MED13L: variants seen among roughly 807,000 people sequenced by gnomAD.
MED13L encodes the protein mediator of RNA polymerase II transcription subunit 13-like.
A neutral mutation model predicts 220.9 loss-of-function variants in MED13L; 7 were observed. The observed-to-expected ratio is 0.03, with a 90% CI of 0.02 to 0.06. MED13L has a LOEUF of 0.06. MED13L is among the 10% of genes least tolerant of loss of function. The pLI is 1.00. For synonymous variants in MED13L, 1,011 were observed against 1,015.2 expected (o/e 1.00, Z 0.08); for missense variants, 1,965 against 2,760.5 (o/e 0.71, Z 6.46).
rs781009273 is a variant in MED13L, at chr12:116,111,515, GAAAAAAAAAAGAAAAAA to G, written c.311-20_311-4del. The stretch of plus-strand genomic sequence containing the variant: ...TTCCCAGAGTCCTTCTTCCACAACT[GAAAAAAAAAAGAAAAAA>G]GAAAAAAAAAGAACCAGTAAAAAGG... On this transcript the variant is annotated splice_region_variant and splice_polypyrimidine_tract_variant and intron_variant, in intron 2 of 30. Transcript: ENST00000281928. 7.4e-7 allele frequency: 1 copy of G among 1,359,718 alleles called. No homozygotes were observed. 84.2% of individuals were successfully genotyped at this position (1,359,718 alleles called of 1,614,324 possible). A position where few individuals can be genotyped will look rare whatever the true frequency, so the allele number is the denominator to read the frequency against.
At chr12:116,118,243 G>C (rs1874702359) in intron 2 of MED13L, among the ~76,000 whole-genome samples, 1 of 151,942 alleles carries the variant, frequency 6.6e-6, no homozygotes, top group South Asian at 2.1e-4. Context: ...ATATAAAATA[G>C]GAAAGTAGTA....
intron 2 of MED13L, among the ~76,000 whole-genome samples, chr12:116,179,724 AG>A (rs1880378121): frequency 6.6e-6 from 1 of 151,900 alleles, no homozygotes; most frequent in East Asian, 1.9e-4. Context: ...AGAAAAGAAT[AG>A]AAGAAAGAAA....
chr12:116,100,322 G>A (rs1872960158), intron 3 of MED13L, among the ~76,000 whole-genome samples: 1 of 151,956 alleles, frequency 6.6e-6, no homozygotes, highest in Non-Finnish European at 1.5e-5. Context: ...AAATTGGCTG[G>A]GCACAGTGGC....
At chr12:116,026,033 G>A (rs1880369521) in intron 4 of MED13L, among the ~76,000 whole-genome samples, 1 of 152,000 alleles carries the variant, frequency 6.6e-6, no homozygotes, top group Admixed American at 6.6e-5. Context: ...AAAGAAAATA[G>A]GGTTTAATAG....
chr12:116,226,737 C>A (rs1017677853), intron 2 of MED13L, among the ~76,000 whole-genome samples: 1 of 152,000 alleles, frequency 6.6e-6, no homozygotes, highest in Non-Finnish European at 1.5e-5. Flanking sequence ...GGTGTGGTGG[C>A]ACACACCTTT....
intron 4 of MED13L, among the ~76,000 whole-genome samples, chr12:116,086,461 T>C (rs1871701615): frequency 6.6e-6 from 1 of 152,044 alleles, no homozygotes; most frequent in African/African-American, 2.4e-5. Context: ...TTTGTATTTT[T>C]AGTAGAGACG....
intron 2 of MED13L, among the ~76,000 whole-genome samples, chr12:116,231,844 T>A (rs1869589998): frequency 6.6e-6 from 1 of 152,044 alleles, no homozygotes; most frequent in African/African-American, 2.4e-5. Context: ...GTAAATATAT[T>A]TAAAAATAAA....
chr12:115,993,055 A>T (rs1878169467), intron 16 of MED13L, among the ~76,000 whole-genome samples: 2 of 152,242 alleles, frequency 1.3e-5, no homozygotes, highest in South Asian at 4.1e-4. Context: ...TACAACATTT[A>T]TATAGCATTT....
intron 4 of MED13L, among the ~76,000 whole-genome samples, chr12:116,076,528 CT>C (rs1333975913): frequency 2.0e-5 from 3 of 152,082 alleles, no homozygotes; most frequent in Non-Finnish European, 4.4e-5. Flanking sequence ...CAGAGCAAGG[CT>C]TTGTCTTACA....
At chr12:116,242,610 A>G (rs1870756407) in intron 1 of MED13L, among the ~76,000 whole-genome samples, 1 of 152,194 alleles carries the variant, frequency 6.6e-6, no homozygotes, top group South Asian at 2.1e-4. Flanking sequence ...AACCACCAAC[A>G]TCATTATTTA....
intron 4 of MED13L, among the ~76,000 whole-genome samples, chr12:116,061,551 A>T (rs373248408): frequency 2.0e-5 from 3 of 152,324 alleles, no homozygotes; most frequent in African/African-American, 4.8e-5. Context: ...AATAAGTGAT[A>T]ACCTTCAGGA....
chr12:116,231,346 C>T (rs371750991), intron 2 of MED13L, among the ~76,000 whole-genome samples: 37 of 152,158 alleles, frequency 2.4e-4, no homozygotes, highest in East Asian at 1.5e-3. Flanking sequence ...GATGTGATGC[C>T]GTGGAAAGGA....
intron 4 of MED13L, 58 bp downstream of exon 4, chr12:116,096,611 G>T: frequency 8.0e-7 from 1 of 1,250,702 alleles, no homozygotes; most frequent in African/African-American, 1.5e-5. Context: ...TCAATAAGCT[G>T]TTCACCCACC....
Position 116,237,593 on chromosome 12 carries a change from C to G in MED13L, c.185G>C (p.Arg62Pro). The change falls in exon 2 of 31, where the codon CGC becomes CCC. Residue 62 changes from arginine to proline, a missense_variant. Arg to Pro is a moderately radical substitution (Grantham distance 103). Coordinates refer to ENST00000281928, the MANE Select transcript of MED13L (RefSeq NM_015335.5). The part of the protein sequence containing the change: ...QDDPILLSFI[R>P]CLQANLLCVW... ...ACAAAGCAGGTTAGCTTGCAGACAG[C>G]GGATGAAACTTAACAGAATTGGATC... 1 of 1,614,108 alleles carries G rather than the reference C, an allele frequency of 6.2e-7. No individual in the cohort carries two copies. Among genetic ancestry groups the G allele is most frequent in the Non-Finnish European group, 8.5e-7 (1 of 1,180,026 alleles).
intron 2 of MED13L, among the ~76,000 whole-genome samples, chr12:116,210,926 C>G (rs184377632): frequency 2.6e-5 from 4 of 152,200 alleles, no homozygotes; most frequent in Non-Finnish European, 5.9e-5. Flanking sequence ...GGTTTACCAC[C>G]TGAAGCTATC....
chr12:116,252,578 A>T (rs1871649905), intron 1 of MED13L, among the ~76,000 whole-genome samples: 1 of 152,114 alleles, frequency 6.6e-6, no homozygotes, highest in Admixed American at 6.5e-5. Flanking sequence ...TGATCTAAGC[A>T]TCTACCCTCA....
At chr12:116,073,627 A>G (rs866114655) in intron 4 of MED13L, among the ~76,000 whole-genome samples, 3 of 152,250 alleles carry the variant, frequency 2.0e-5, no homozygotes, top group African/African-American at 7.2e-5. Flanking sequence ...CAGATAAAAG[A>G]TAAACTTGGT....
In MED13L at chr12:116,100,591, T is replaced by C. The variant is rs1054098418; in HGVS notation, c.396-3839A>G. Among the ~76,000 whole-genome samples, 17 of 99,034 alleles carry C rather than the reference T, an allele frequency of 1.7e-4. No individual in the cohort carries two copies. In the South Asian group the frequency reaches 4.7e-3, roughly 27 times the overall value. 65.0% of individuals were successfully genotyped at this position (99,034 alleles called of 152,430 possible). ...TTCTGGCCTGGGTGAAAAGAGAGAC[T>C]CCGTCTCAAAAAAAAAAAAAAAAAA... is the stretch of plus-strand genomic sequence containing the variant. On this transcript the variant is annotated intron_variant, in intron 3 of 30. Transcript: ENST00000281928.
chr12:116,139,907 T>C (rs1317032286), intron 2 of MED13L, among the ~76,000 whole-genome samples: 2 of 148,914 alleles, frequency 1.3e-5, no homozygotes, highest in East Asian at 3.9e-4. Context: ...GAGGCGGAGG[T>C]TGCAGTGAGC....
Sources: gnomAD v4.1 joint callset for allele counts (sites outside exome capture counted in the v4.1 genomes callset) on GRCh38, gnomAD v4.1.1 for gene constraint, MANE v1.5 for transcripts, NCBI Gene and HGNC (gene_info 2026-07-23, HGNC 2026-07-21) for gene names.